IGF1: variants seen among roughly 807,000 people sequenced by gnomAD.
IGF1 encodes insulin-like growth factor 1.
A neutral mutation model predicts 13.8 loss-of-function variants in IGF1; 4 were observed. The observed-to-expected ratio is 0.29, with a 90% CI of 0.14 to 0.66. The LOEUF is 0.66. Ranked by LOEUF, IGF1 falls within the 30% of genes least tolerant of loss-of-function variation. The pLI is 0.78. For synonymous variants in IGF1, 76 were observed against 72.6 expected (o/e 1.05, Z -0.23); for missense variants, 124 against 188.5 (o/e 0.66, Z 2.00).
chr12:102,478,732 C>T, intron 1 of IGF1: 1 of 1,119,212 alleles, frequency 8.9e-7, no homozygotes, highest in Non-Finnish European at 1.2e-6. Context: ...TCAATCTTTT[C>T]CCCCCAGTCA....
chr12:102,467,343 A>T (rs925570500), intron 2 of IGF1, among the ~76,000 whole-genome samples: 7 of 152,044 alleles, frequency 4.6e-5, no homozygotes, highest in Non-Finnish European at 1.0e-4. Flanking sequence ...TCAGGTGTAA[A>T]TTTCTTTTGG....
chr12:102,437,912 TAAAAG>T (rs898513941), intron 2 of IGF1, among the ~76,000 whole-genome samples: 2 of 152,170 alleles, frequency 1.3e-5, no homozygotes, highest in Non-Finnish European at 2.9e-5. Flanking sequence ...ATGTGTCAAT[TAAAAG>T]CAAGCATACA....
chr12:102,455,477 G>A (rs947580525), intron 2 of IGF1, among the ~76,000 whole-genome samples: 2 of 152,154 alleles, frequency 1.3e-5, no homozygotes, highest in Non-Finnish European at 2.9e-5. Flanking sequence ...CTCAGGTCAG[G>A]CAGTACATTT....
chr12:102,477,712 T>C (rs1881149040), intron 1 of IGF1, among the ~76,000 whole-genome samples: 1 of 152,144 alleles, frequency 6.6e-6, no homozygotes, highest in Non-Finnish European at 1.5e-5. Context: ...CTAGAAAGTA[T>C]GTTATTCTAC....
chr12:102,421,912 CAGAG>C (rs1041398287), intron 2 of IGF1, among the ~76,000 whole-genome samples: 4 of 152,132 alleles, frequency 2.6e-5, no homozygotes, highest in Non-Finnish European at 5.9e-5. Context: ...CTTGGGATGG[CAGAG>C]AGAGTTTCTA....
At chr12:102,457,662 A>AT (rs1397193194) in intron 2 of IGF1, among the ~76,000 whole-genome samples, 1 of 152,158 alleles carries the variant, frequency 6.6e-6, no homozygotes, top group Non-Finnish European at 1.5e-5. Context: ...AAGGATGAAA[A>AT]TTTTTTGTAT....
intron 2 of IGF1, among the ~76,000 whole-genome samples, chr12:102,431,923 G>A (rs980350967): frequency 2.0e-5 from 3 of 152,150 alleles, no homozygotes; most frequent in African/African-American, 7.2e-5. Flanking sequence ...CCAGTGCATT[G>A]TGACCCTTTC....
At chr12:102,445,086 A>G (rs1878196966) in intron 2 of IGF1, among the ~76,000 whole-genome samples, 1 of 151,890 alleles carries the variant, frequency 6.6e-6, no homozygotes. Context: ...GTTCTGTTCC[A>G]TTGGTCGATA....
chr12:102,446,482 T>G (rs1878340207), intron 2 of IGF1, among the ~76,000 whole-genome samples: 1 of 152,234 alleles, frequency 6.6e-6, no homozygotes, highest in Non-Finnish European at 1.5e-5. Flanking sequence ...ATTTATCCAT[T>G]TCTTCTAGAT....
At chr12:102,463,508 C>A (rs775331748) in intron 2 of IGF1, 1 of 152,146 alleles carries the variant, frequency 6.6e-6, no homozygotes, top group Non-Finnish European at 1.5e-5. Flanking sequence ...CTTTTGTAAG[C>A]CTCCAATCCC....
intron 3 of IGF1, among the ~76,000 whole-genome samples, chr12:102,410,028 A>G (rs1436889460): frequency 2.6e-5 from 4 of 152,114 alleles, no homozygotes; most frequent in Non-Finnish European, 4.4e-5. Flanking sequence ...TCTGTTTTCT[A>G]GTGACTGGGG....
intron 3 of IGF1, 22 bp from the exon 4 acceptor site, chr12:102,402,588 T>C (rs1592730146): frequency 1.3e-6 from 1 of 780,570 alleles, no homozygotes; most frequent in East Asian, 2.4e-5. Context: ...GGAGAAAAAG[T>C]GACATTAACT....
intron 3 of IGF1, among the ~76,000 whole-genome samples, chr12:102,411,752 C>T (rs1023410288): frequency 4.6e-5 from 7 of 152,128 alleles, no homozygotes; most frequent in South Asian, 2.1e-4. Flanking sequence ...ATCTTTTTTC[C>T]GGAGTGATCA....
chr12:102,418,214 G>A (rs879509671), intron 3 of IGF1, among the ~76,000 whole-genome samples: 11 of 152,194 alleles, frequency 7.2e-5, no homozygotes, highest in Non-Finnish European at 1.5e-4. Context: ...ACCAAGAGGC[G>A]CTGGGTCACC....
At chr12:102,466,082 C>T (rs1267168903) in intron 2 of IGF1, among the ~76,000 whole-genome samples, 1 of 152,184 alleles carries the variant, frequency 6.6e-6, no homozygotes, top group Non-Finnish European at 1.5e-5. Flanking sequence ...GCCCTTCCTT[C>T]TCTTACTAAA....
chr12:102,450,144 C>CT (rs1878787567), intron 2 of IGF1, among the ~76,000 whole-genome samples: 1 of 152,160 alleles, frequency 6.6e-6, no homozygotes. Flanking sequence ...AGGGGAAGTG[C>CT]TTTCTTCCCA....
chr12:102,443,794 T>C (rs1021956115), intron 2 of IGF1, among the ~76,000 whole-genome samples: 2 of 152,020 alleles, frequency 1.3e-5, no homozygotes, highest in African/African-American at 4.8e-5. Context: ...CAGGCAACCT[T>C]GAGGTGCCTG....
At chr12:102,436,302 C>T (rs558611430) in intron 2 of IGF1, among the ~76,000 whole-genome samples, 2 of 152,280 alleles carry the variant, frequency 1.3e-5, no homozygotes, top group South Asian at 4.1e-4. Flanking sequence ...CACAGATTCC[C>T]CCGCCAAATG....
At chr12:102,434,639 ATTTATAAT>A (rs781727605) in intron 2 of IGF1, among the ~76,000 whole-genome samples, 5 of 152,090 alleles carry the variant, frequency 3.3e-5, no homozygotes, top group Non-Finnish European at 7.3e-5. Flanking sequence ...TAGCAGCATG[ATTTATAAT>A]CATTTGGGTA....
Sources: allele counts gnomAD v4.1 joint callset (sites outside exome capture counted in the v4.1 genomes callset), GRCh38; gene constraint gnomAD v4.1.1; transcripts MANE v1.5; gene names NCBI Gene and HGNC (gene_info 2026-07-23, HGNC 2026-07-21).